RABGAP1: variants seen among roughly 807,000 people sequenced by gnomAD.
RABGAP1 encodes RAB GTPase activating protein 1.
Under a neutral mutation model 137.6 loss-of-function variants are expected in RABGAP1, and 23 were observed. The observed-to-expected ratio is 0.17, with a 90% confidence interval of 0.12 to 0.24. RABGAP1 has a LOEUF of 0.24. Ranked by LOEUF, RABGAP1 falls within the 10% of genes least tolerant of loss-of-function variation. The pLI, the probability that RABGAP1 is intolerant of heterozygous loss-of-function variation, is 1.00. For missense variants in RABGAP1, 906 were observed against 1,275.8 expected (o/e 0.71, Z 4.42); for synonymous variants, 451 against 450.7 (o/e 1.00, Z -0.01).
chr9:123,076,912 AATG>A (rs1360456595), intron 19 of RABGAP1, 150 bp downstream of exon 19: 20 of 437,688 alleles, frequency 4.6e-5, no homozygotes, highest in South Asian at 3.1e-4. Context: ...AAATAATATT[AATG>A]ATGTTTTCTT....
chr9:122,945,646 T>C (rs561942602), intron 1 of RABGAP1, among the ~76,000 whole-genome samples: 1 of 152,232 alleles, frequency 6.6e-6, no homozygotes, highest in Non-Finnish European at 1.5e-5. Context: ...ATAGTTGTTA[T>C]GTATTTCCTG....
intron 1 of RABGAP1, among the ~76,000 whole-genome samples, chr9:122,948,919 C>T (rs1345115304): frequency 6.6e-6 from 1 of 152,062 alleles, no homozygotes; most frequent in Non-Finnish European, 1.5e-5. Flanking sequence ...GAACACTGCC[C>T]GTAAGTAAGG....
At chr9:123,042,981 CTT>C (rs957350111) in intron 13 of RABGAP1, among the ~76,000 whole-genome samples, 22 of 152,152 alleles carry the variant, frequency 1.4e-4, no homozygotes, top group African/African-American at 5.1e-4. Context: ...TAGCAGAGGA[CTT>C]TTTGCCACAA....
intron 13 of RABGAP1, chr9:123,034,857 G>A (rs2032530576): frequency 1.2e-6 from 2 of 1,613,950 alleles, no homozygotes; most frequent in African/African-American, 2.7e-5. Flanking sequence ...TTCCAGTAGA[G>A]GAGTCCTTGA....
chr9:123,004,139 G>A (rs1487356275), intron 10 of RABGAP1, among the ~76,000 whole-genome samples: 1 of 152,184 alleles, frequency 6.6e-6, no homozygotes, highest in African/African-American at 2.4e-5. Flanking sequence ...GTGATATTAG[G>A]TTGTTCCAGT....
At chr9:123,035,921 T>C (rs1359534967) in intron 13 of RABGAP1, among the ~76,000 whole-genome samples, 1 of 152,216 alleles carries the variant, frequency 6.6e-6, no homozygotes, top group Non-Finnish European at 1.5e-5. Context: ...AAGCCATATC[T>C]AACACCTCTT....
intron 13 of RABGAP1, among the ~76,000 whole-genome samples, chr9:123,051,230 T>G (rs2033450426): frequency 2.2e-5 from 1 of 45,490 alleles, no homozygotes; most frequent in Non-Finnish European, 3.9e-5. Flanking sequence ...TTTTTTTTTT[T>G]TTTTTTTTTT....
At chr9:123,090,447 G>T in intron 21 of RABGAP1, 62 bp downstream of exon 21, 1 of 1,326,112 alleles carries the variant, frequency 7.5e-7, no homozygotes. Context: ...CCCCTCAAGA[G>T]AAATCCTGGA....
chr9:123,102,082 A>T (rs1382088794), intron 25 of RABGAP1, among the ~76,000 whole-genome samples: 2 of 152,174 alleles, frequency 1.3e-5, no homozygotes, highest in African/African-American at 4.8e-5. Flanking sequence ...ACCTCCCTAC[A>T]TCTCAGGTTC....
At chr9:123,044,626 C>CAT in intron 13 of RABGAP1, among the ~76,000 whole-genome samples, 1 of 149,088 alleles carries the variant, frequency 6.7e-6, no homozygotes, top group East Asian at 2.0e-4. Flanking sequence ...AACACACGTA[C>CAT]GTGTGTGTGT....
At chr9:123,061,528 C>G (rs1466867289) in intron 13 of RABGAP1, among the ~76,000 whole-genome samples, 1 of 152,212 alleles carries the variant, frequency 6.6e-6, no homozygotes, top group African/African-American at 2.4e-5. Flanking sequence ...CACTGAATGG[C>G]TTGCAAAGCC....
At chr9:122,965,912 G>A (rs1835123084) in intron 2 of RABGAP1, among the ~76,000 whole-genome samples, 1 of 152,172 alleles carries the variant, frequency 6.6e-6, no homozygotes, top group Non-Finnish European at 1.5e-5. Flanking sequence ...TTCAGAATAT[G>A]TTTTGGTATT....
chr9:123,092,062 T>A (rs533830295), intron 21 of RABGAP1, among the ~76,000 whole-genome samples: 1 of 152,104 alleles, frequency 6.6e-6, no homozygotes, highest in African/African-American at 2.4e-5. Context: ...AAAAAAAATA[T>A]GGGTCTTGAA....
At chr9:123,044,707 G>T (rs1284373683) in intron 13 of RABGAP1, among the ~76,000 whole-genome samples, 3 of 151,790 alleles carry the variant, frequency 2.0e-5, no homozygotes, top group Non-Finnish European at 4.4e-5. Flanking sequence ...TACAAGACAT[G>T]GTATTGTGAA....
intron 19 of RABGAP1, among the ~76,000 whole-genome samples, chr9:123,081,244 TAGTA>T (rs1182366369): frequency 1.3e-5 from 2 of 152,230 alleles, no homozygotes; most frequent in Admixed American, 1.3e-4. Context: ...TTCTGGTAAA[TAGTA>T]AGCCATTAGT....
Position 123,090,462 on chromosome 9 carries a change from T to C in RABGAP1, c.2628+77T>C, listed in dbSNP as rs553456083. On this transcript the variant is annotated intron_variant, in intron 21 of 25. Transcript: ENST00000373647. ...CCCCTCAAGAGAAATCCTGGAATTT[T>C]AGTGATTGTTATTCTAGCCACCTGT... 3 of 1,217,006 alleles carry C rather than the reference T, an allele frequency of 2.5e-6. No individual in the cohort carries two copies. In the East Asian group the frequency reaches 8.0e-5, roughly 32 times the overall value. The allele number at this position is 1,217,006 out of a possible 1,614,324, so 75.4% of individuals were successfully genotyped here.
At chr9:123,036,793 T>G (rs906625332) in intron 13 of RABGAP1, among the ~76,000 whole-genome samples, 7 of 152,090 alleles carry the variant, frequency 4.6e-5, no homozygotes, top group African/African-American at 1.7e-4. Flanking sequence ...AAAAAAATCC[T>G]TTGGCATACA....
intron 21 of RABGAP1, 38 bp downstream of exon 21, chr9:123,090,423 G>A (rs1432831465): frequency 1.4e-6 from 2 of 1,479,540 alleles, no homozygotes. Flanking sequence ...ATCTCACTGA[G>A]ACACTTGACT....
Position 123,103,364 on chromosome 9 carries a change from T to C in RABGAP1, c.*151T>C. On this transcript the variant is annotated 3_prime_UTR_variant, in exon 26 of 26. Coordinates refer to ENST00000373647, the MANE Select transcript of RABGAP1 (RefSeq NM_012197.4). ...TGTTGGTAGGTCACTGGACCAGAGCTTGTGAAGCAGGCAACCTCTGGGGTA... is the reference window on the plus strand; with the variant it reads ...TGTTGGTAGGTCACTGGACCAGAGCCTGTGAAGCAGGCAACCTCTGGGGTA... 2 of 1,252,748 alleles carry C rather than the reference T, an allele frequency of 1.6e-6. No individual in the cohort carries two copies. Among genetic ancestry groups the C allele is most frequent in the Non-Finnish European group, 2.2e-6 (2 of 918,992 alleles). 77.6% of individuals were successfully genotyped at this position (1,252,748 alleles called of 1,614,324 possible). A position where few individuals can be genotyped will look rare whatever the true frequency, so the allele number is the denominator to read the frequency against.
Sources: gnomAD v4.1 joint callset for allele counts (sites outside exome capture counted in the v4.1 genomes callset) on GRCh38, gnomAD v4.1.1 for gene constraint, MANE v1.5 for transcripts, NCBI Gene and HGNC (gene_info 2026-07-23, HGNC 2026-07-21) for gene names.